The following PC variants were observed in gnomAD, a reference collection of about 807,000 sequenced individuals.
PC encodes pyruvate carboxylase.
A neutral mutation model predicts 107.8 loss-of-function variants in PC; 46 were observed. The ratio of observed to expected loss-of-function variants is 0.43; its 90% CI spans 0.34 to 0.55. The LOEUF is 0.55. Among genes scored for constraint, PC ranks in the 20% least tolerant of loss-of-function variants. PC has a pLI of 0.04. For synonymous variants in PC, 662 were observed against 684.7 expected (o/e 0.97, Z 0.52); for missense variants, 1,241 against 1,643.1 (o/e 0.76, Z 4.23).
At position 66,858,927 on chromosome 11, in the gene PC, A is replaced by G. The variant is rs566421079; in HGVS notation, c.1368+4847T>C. ...CTCGGACATCGCCGCCTCCGCTCGC[A>G]CTGCTGCCGAGGGTGAGGGGACGCT... On this transcript the variant is annotated intron_variant, in intron 12 of 22. Coordinates refer to ENST00000393960, the MANE Select transcript of PC (RefSeq NM_001040716.2). The surrounding 1 kb of genome is among the most constrained non-coding windows in gnomAD (Gnocchi z 5.9). 3.7e-5 allele frequency: 58 copies of G among 1,573,482 alleles called. No homozygotes were observed. In the East Asian group the frequency reaches 6.1e-4, roughly 17 times the overall value.
intron 3 of PC, among the ~76,000 whole-genome samples, chr11:66,875,540 A>G (rs1591202252): frequency 6.6e-6 from 1 of 152,004 alleles, no homozygotes; most frequent in Non-Finnish European, 1.5e-5. Flanking sequence ...ACTGGAGTTG[A>G]GTCTGGCCGA....
At chr11:66,906,494 CT>C (rs1325189990) in intron 3 of PC, among the ~76,000 whole-genome samples, 5 of 152,204 alleles carry the variant, frequency 3.3e-5, no homozygotes, top group Non-Finnish European at 7.3e-5. Flanking sequence ...CCCTCCACCC[CT>C]GGCCTAGAAC....
intron 3 of PC, among the ~76,000 whole-genome samples, chr11:66,897,363 G>C (rs1947796475): frequency 6.6e-6 from 1 of 152,204 alleles, no homozygotes; most frequent in Non-Finnish European, 1.5e-5. Flanking sequence ...CTGAGGCCAA[G>C]AGTTCGTCAC....
intron 3 of PC, among the ~76,000 whole-genome samples, chr11:66,900,465 T>C (rs1177902093): frequency 6.6e-6 from 1 of 152,140 alleles, no homozygotes. Flanking sequence ...CCCAGCCTGT[T>C]CTTCTTTCTT....
intron 3 of PC, chr11:66,907,716 A>G (rs1948208524): frequency 6.6e-6 from 1 of 152,208 alleles, no homozygotes; most frequent in Non-Finnish European, 1.5e-5. Flanking sequence ...TCTAACTGCT[A>G]GAAAGCTGCC....
rs780634936 is a variant in PC, at chr11:66,871,847, C to T, written c.161G>A (p.Arg54Gln). 6 of 1,608,396 alleles carry T rather than the reference C, an allele frequency of 3.7e-6. No individual in the cohort carries two copies. The highest frequency in any genetic ancestry group is 2.2e-5 in the East Asian group (1 of 44,858). ...NRGEIAIRVFRACTELGIRTV... is the reference protein window; with the variant it reads ...NRGEIAIRVFQACTELGIRTV... ...GCGGATGCCCAGCTCCGTGCAGGCC[C>T]GGAACACACGGATGGCAATCTCACC... Residue 54 changes from arginine to glutamine, a missense_variant, in exon 5 of 23, where the codon CGG (arginine) becomes CAG (glutamine). Physicochemically the swap from Arg to Gln is conservative, Grantham distance 43. Coordinates refer to ENST00000393960, the MANE Select transcript of PC (RefSeq NM_001040716.2). The surrounding 1 kb of genome is among the most constrained non-coding windows in gnomAD (Gnocchi z 7.4).
chr11:66,924,770 TC>T (rs1301129904), intron 3 of PC, among the ~76,000 whole-genome samples: 1 of 152,220 alleles, frequency 6.6e-6, no homozygotes, highest in African/African-American at 2.4e-5. Flanking sequence ...AGCCTATTAT[TC>T]CTTCTTATTT....
At chr11:66,901,226 T>C (rs1947945712) in intron 3 of PC, among the ~76,000 whole-genome samples, 1 of 152,080 alleles carries the variant, frequency 6.6e-6, no homozygotes, top group Non-Finnish European at 1.5e-5. Flanking sequence ...GCCCTCTGGG[T>C]GGAGGCACCT....
At chr11:66,849,522 T>C in intron 21 of PC, 89 bp downstream of exon 21, 1 of 1,610,948 alleles carries the variant, frequency 6.2e-7, no homozygotes, top group South Asian at 1.1e-5. Flanking sequence ...CTCCCAAAGC[T>C]TGCGAGGCTG....
intron 3 of PC, among the ~76,000 whole-genome samples, chr11:66,912,999 C>T (rs1309279827): frequency 2.6e-5 from 4 of 152,188 alleles, no homozygotes; most frequent in Non-Finnish European, 5.9e-5. Context: ...GCAACCCACA[C>T]GAGACCCCAA....
intron 3 of PC, among the ~76,000 whole-genome samples, chr11:66,903,671 C>A (rs1047933825): frequency 7.1e-6 from 1 of 141,224 alleles, no homozygotes; most frequent in Non-Finnish European, 1.5e-5. Flanking sequence ...TCACTTCAAC[C>A]TGGGAGGCGG....
At chr11:66,929,746 G>A (rs867945415) in intron 3 of PC, among the ~76,000 whole-genome samples, 1 of 151,880 alleles carries the variant, frequency 6.6e-6, no homozygotes, top group African/African-American at 2.4e-5. Flanking sequence ...CAAACTCCTG[G>A]GCTCAAGTGA....
In PC at chr11:66,866,158, G is replaced by T. The variant is rs775477928; in HGVS notation, c.1185+29C>A. ...GCAGAACCTGTGCACAGGTGAGCTGGCATCTCCCTCTGCTCGAGCTCCGCC... is the reference window on the plus strand; with the variant it reads ...GCAGAACCTGTGCACAGGTGAGCTGTCATCTCCCTCTGCTCGAGCTCCGCC... On this transcript the variant is annotated intron_variant, in intron 11 of 22. Transcript: ENST00000393960. The surrounding 1 kb of genome is among the most constrained non-coding windows in gnomAD (Gnocchi z 5.4). 5 of 1,599,624 alleles carry T rather than the reference G, an allele frequency of 3.1e-6. No homozygotes were observed. Among genetic ancestry groups the T allele is most frequent in the Non-Finnish European group, 4.2e-6 (5 of 1,177,448 alleles).
intron 12 of PC, chr11:66,856,908 G>C (rs1165673599): frequency 6.8e-6 from 1 of 147,102 alleles, no homozygotes; most frequent in Non-Finnish European, 1.5e-5. Flanking sequence ...CGGAGGGCCC[G>C]CGCCGGCCCG....
chr11:66,907,458 C>G (rs1255855114), intron 3 of PC, among the ~76,000 whole-genome samples: 1 of 152,170 alleles, frequency 6.6e-6, no homozygotes, highest in East Asian at 1.9e-4. Flanking sequence ...ACCCGGGAGG[C>G]AGGGGTTGCA....
chr11:66,869,049 C>T (rs1946618818), intron 9 of PC, 85 bp from the exon 10 acceptor site: 2 of 1,051,628 alleles, frequency 1.9e-6, no homozygotes, highest in Non-Finnish European at 1.5e-6. Flanking sequence ...TTCCGTCCCA[C>T]CCATTGGGTT....
intron 3 of PC, among the ~76,000 whole-genome samples, chr11:66,910,336 T>C (rs1255542493): frequency 2.0e-5 from 3 of 152,156 alleles, no homozygotes; most frequent in Non-Finnish European, 4.4e-5. Context: ...TGCAGAAAGC[T>C]CCTTGTGCCA....
intron 9 of PC, 27 bp from the exon 10 acceptor site, chr11:66,868,991 G>GAGGGCACAGGC: frequency 1.3e-6 from 2 of 1,558,082 alleles, no homozygotes; most frequent in Non-Finnish European, 1.8e-6. Context: ...GTGAGCAGGG[G>GAGGGCACAGGC]AGGGCACAGG....
At chr11:66,932,152 G>T (rs1461677957) in intron 3 of PC, among the ~76,000 whole-genome samples, 2 of 152,178 alleles carry the variant, frequency 1.3e-5, no homozygotes, top group Non-Finnish European at 2.9e-5. Flanking sequence ...GGGTTACTGG[G>T]GAGAGAGGAA....
Sources: gnomAD v4.1 joint callset for allele counts (sites outside exome capture counted in the v4.1 genomes callset) on GRCh38, gnomAD v4.1.1 for gene constraint, Gnocchi (gnomAD v3.1) non-coding constraint, MANE v1.5 for transcripts, NCBI Gene and HGNC (gene_info 2026-07-23, HGNC 2026-07-21) for gene names.